DSN1: variants seen among roughly 807,000 people sequenced by gnomAD.
DSN1 encodes the protein kinetochore-associated protein DSN1 homolog.
Under a neutral mutation model 45.7 loss-of-function variants are expected in DSN1, and 31 were observed. The ratio of observed to expected loss-of-function variants is 0.68; its 90% confidence interval spans 0.51 to 0.92. The LOEUF is 0.92. DSN1 is among the 40% of genes least tolerant of loss of function. The probability of loss-of-function intolerance (pLI) is 0.00; values close to 1 mark genes in which losing one functional copy is unlikely to be tolerated. For missense variants in DSN1, 394 were observed against 414.2 expected (o/e 0.95, Z 0.42); for synonymous variants, 134 against 142.3 (o/e 0.94, Z 0.41).
At chr20:36,767,368 T>C (rs139690162) in intron 4 of DSN1, among the ~76,000 whole-genome samples, 1 of 151,696 alleles carries the variant, frequency 6.6e-6, no homozygotes, top group African/African-American at 2.4e-5. Flanking sequence ...GGACTACAGA[T>C]TTTGACTTTC....
chr20:36,762,412 A>G lies in DSN1; in HGVS notation c.590+49T>C, dbSNP rs372899904. ...GGCCTGAGCCACCAACGCCCGGCCT[A>G]AAGTCCTAATTCAATCATAATTTAG... On this transcript the variant is annotated intron_variant, in intron 6 of 10. Transcript: ENST00000373750. 5 of 1,562,596 alleles carry G rather than the reference A, an allele frequency of 3.2e-6. No individual in the cohort carries two copies. The South Asian group carries it at 3.4e-5, about 11-fold the overall frequency.
chr20:36,761,647 GGTTAGGA>G (rs1671134939), intron 6 of DSN1, among the ~76,000 whole-genome samples: 3 of 151,594 alleles, frequency 2.0e-5, no homozygotes, highest in Admixed American at 1.3e-4. Context: ...GATCACCTGA[GGTTAGGA>G]GTTCAAGACC....
In DSN1 at chr20:36,766,842, C is replaced by T. The variant is rs1428331635; in HGVS notation, c.430-1G>A. 6.3e-7 allele frequency: 1 copy of T among 1,593,028 alleles called. No homozygotes were observed. Among genetic ancestry groups the T allele is most frequent in the Non-Finnish European group, 8.5e-7 (1 of 1,173,986 alleles). On this transcript the variant is annotated splice_acceptor_variant, in intron 4 of 10. Coordinates refer to ENST00000373750, the MANE Select transcript of DSN1 (RefSeq NM_001145315.2). LOFTEE classifies it high-confidence loss of function. ...AAGGTTCAAGTTTCTGAATAGAGAA[C>T]TAAATAAAGAAAAGCATTTTTAGTA...
chr20:36,760,306 A>T (rs1425156238), intron 6 of DSN1, among the ~76,000 whole-genome samples: 7 of 152,196 alleles, frequency 4.6e-5, no homozygotes, highest in Non-Finnish European at 8.8e-5. Flanking sequence ...TACAGAAGAA[A>T]AGTCAAAACT....
chr20:36,756,522 C>T (rs1166860688), intron 8 of DSN1, among the ~76,000 whole-genome samples: 1 of 152,184 alleles, frequency 6.6e-6, no homozygotes, highest in Non-Finnish European at 1.5e-5. Flanking sequence ...ACTGAGAGTT[C>T]ATGAAAACTG....
At chr20:36,759,832 T>C (rs118173916) in intron 6 of DSN1, among the ~76,000 whole-genome samples, 2 of 152,272 alleles carry the variant, frequency 1.3e-5, no homozygotes, top group Middle Eastern at 3.4e-3. Context: ...AGCTAGGTAA[T>C]AGCTTTCTAA....
chr20:36,755,031 C>T (rs1986598888), intron 9 of DSN1, among the ~76,000 whole-genome samples, 181 bp from the exon 10 acceptor site: 1 of 152,190 alleles, frequency 6.6e-6, no homozygotes, highest in Non-Finnish European at 1.5e-5. Flanking sequence ...CCAGGCTGCT[C>T]TATGCTCCAG....
chr20:36,755,552 GT>G, intron 9 of DSN1, 129 bp downstream of exon 9: 1 of 1,083,410 alleles, frequency 9.2e-7, no homozygotes, highest in South Asian at 1.8e-5. Context: ...GTCTCTCCAT[GT>G]TTTCCTAAGG....
chr20:36,769,697 A>ATGAAATAAAG (rs2148284133), intron 3 of DSN1, among the ~76,000 whole-genome samples: 1 of 152,170 alleles, frequency 6.6e-6, no homozygotes, highest in South Asian at 2.1e-4. Flanking sequence ...TTCATCTCCA[A>ATGAAATAAAG]GTTGCTGATG....
intron 9 of DSN1, 100 bp downstream of exon 9, chr20:36,755,582 T>C: frequency 7.1e-7 from 1 of 1,403,330 alleles, no homozygotes; most frequent in East Asian, 2.3e-5. Context: ...AATATACATA[T>C]TCAACTTACA....
chr20:36,772,585 C>T (rs1331997464), intron 1 of DSN1, among the ~76,000 whole-genome samples: 2 of 152,192 alleles, frequency 1.3e-5, no homozygotes, highest in African/African-American at 2.4e-5. Flanking sequence ...CCACCACACC[C>T]GGCCCAGTCT....
rs1163363118 is a variant in DSN1 at position 36,773,734 on chromosome 20, A to T, written c.-88T>A. 1.0e-6 allele frequency: 1 copy of T among 985,408 alleles called. No homozygotes were observed. The highest frequency in any genetic ancestry group is 1.2e-6 in the Non-Finnish European group (1 of 830,000). 61.0% of individuals were successfully genotyped at this position (985,408 alleles called of 1,614,324 possible). ...TGGACGCCTTGCGCACCCGCAGCCG[A>T]TACTCCCTGATCAGGGTGAAGCGGT... On this transcript the variant is annotated 5_prime_UTR_variant, in exon 1 of 11. Coordinates refer to ENST00000373750, the MANE Select transcript of DSN1 (RefSeq NM_001145315.2).
intron 6 of DSN1, among the ~76,000 whole-genome samples, chr20:36,761,434 T>A (rs1986974756): frequency 6.6e-6 from 1 of 152,176 alleles, no homozygotes; most frequent in South Asian, 2.1e-4. Flanking sequence ...AAGAGCCTGG[T>A]ACATAAGACG....
chr20:36,773,430 T>C, intron 1 of DSN1: 3 of 985,532 alleles, frequency 3.0e-6, no homozygotes, highest in South Asian at 9.4e-5. Context: ...GCACGGCAGA[T>C]ACGTCTCTAA....
At chr20:36,767,679 G>A (rs980246911) in intron 4 of DSN1, among the ~76,000 whole-genome samples, 31 of 152,166 alleles carry the variant, frequency 2.0e-4, no homozygotes, top group Middle Eastern at 3.2e-3. Flanking sequence ...CGAGGCAGGC[G>A]GATCAGGAGG....
intron 5 of DSN1, among the ~76,000 whole-genome samples, chr20:36,764,677 T>C (rs1291419361): frequency 6.6e-6 from 1 of 152,088 alleles, no homozygotes; most frequent in Non-Finnish European, 1.5e-5. Context: ...TCCCAACACT[T>C]TGGGAAGCTG....
chr20:36,768,812 T>C (rs911856211), intron 3 of DSN1, among the ~76,000 whole-genome samples: 1 of 152,206 alleles, frequency 6.6e-6, no homozygotes, highest in African/African-American at 2.4e-5. Context: ...AATGACTTGC[T>C]TGAGGCCAGA....
At position 36,758,178 on chromosome 20, in the gene DSN1, A is replaced by G. The variant is rs755342744; in HGVS notation, c.651-17T>C. ...AAAGAAAACCTGTAAGAATCAGGAA[A>G]AAAAGTTCAGTTAATTTTTATAATC... On this transcript the variant is annotated splice_polypyrimidine_tract_variant and intron_variant, in intron 7 of 10. Transcript: ENST00000373750. 106 of 1,610,278 alleles carry G rather than the reference A, an allele frequency of 6.6e-5. No homozygotes were observed. The highest frequency in any genetic ancestry group is 8.9e-5 in the Non-Finnish European group (105 of 1,177,414).
Position 36,766,753 on chromosome 20 carries a change from T to C in DSN1, c.502+16A>G. 6.2e-7 allele frequency: 1 copy of C among 1,607,000 alleles called. No individual in the cohort carries two copies. The highest frequency in any genetic ancestry group is 8.5e-7 in the Non-Finnish European group (1 of 1,177,218). ...ACTGCCCAGGGTCAAAGCTCACTCA[T>C]CTGTTAGCAACTTACCTTTGGCTCT... On this transcript the variant is annotated intron_variant, in intron 5 of 10. Coordinates refer to ENST00000373750, the MANE Select transcript of DSN1 (RefSeq NM_001145315.2).
Sources: allele counts gnomAD v4.1 joint callset (sites outside exome capture counted in the v4.1 genomes callset), GRCh38; gene constraint gnomAD v4.1.1; transcripts MANE v1.5; gene names NCBI Gene and HGNC (gene_info 2026-07-23, HGNC 2026-07-21).